Variants in APC observed in about 807,000 individuals in gnomAD.
The protein encoded by APC is adenomatous polyposis coli protein.
In APC, 72 loss-of-function variants were observed where a neutral mutation model predicts 247.0. The observed-to-expected ratio is 0.29, with a 90% CI of 0.24 to 0.35. The LOEUF (loss-of-function observed/expected upper bound fraction) is 0.35, where lower values mean the gene tolerates loss of function less well. Ranked by LOEUF, APC falls within the 10% of genes least tolerant of loss-of-function variation. The pLI is 1.00. For missense variants in APC, 3,400 were observed against 3,360.7 expected (o/e 1.01, Z -0.29); for synonymous variants, 1,254 against 1,162.5 (o/e 1.08, Z -1.60).
At chr5:112,722,446 A>T (rs1319629825) in intron 1 of APC, among the ~76,000 whole-genome samples, 1 of 152,188 alleles carries the variant, frequency 6.6e-6, no homozygotes, top group Non-Finnish European at 1.5e-5. Context: ...CTTTTTCCCC[A>T]CACACCAATA....
In APC at chr5:112,755,030, CAA is replaced by C; in HGVS notation, c.135+6_135+7del. 1 of 1,613,270 alleles carries C rather than the reference CAA, an allele frequency of 6.2e-7. No homozygotes were observed. The highest frequency in any genetic ancestry group is 8.5e-7 in the Non-Finnish European group (1 of 1,179,472). On this transcript the variant is annotated splice_donor_region_variant and intron_variant, in intron 2 of 15. Transcript: ENST00000257430. ...ACTGAGGCATCTAATATGAAGGTAT[CAA>C]GACTGTGACTTTTAATTGTAGTTTA...
Position 112,839,928 on chromosome 5 carries a change from C to T in APC, c.4334C>T (p.Thr1445Ile), listed in dbSNP as rs760686348. The stretch of plus-strand genomic sequence containing the variant: ...AAAACACCTCCACCACCTCCTCAAA[C>T]AGCTCAAACCAAGCGAGAAGTACCT... ...RSKTPPPPPQ[T>I]AQTKREVPKN... Residue 1445 changes from threonine (T) to isoleucine (I), a missense_variant, in exon 16 of 16, where the codon ACA (threonine) becomes ATA (isoleucine). Thr to Ile is a moderately conservative substitution (Grantham distance 89). Around this residue, in one of 9 missense-constraint regions of APC, gnomAD observed 1,788 missense variants for 1,649.5 expected, o/e 1.08. Coordinates refer to ENST00000257430, the MANE Select transcript of APC (RefSeq NM_000038.6). This position sits in a 1 kb window ranked among gnomAD's most constrained non-coding sequence, Gnocchi z 5.0. The T allele has an allele frequency of 8.1e-6, 13 of 1,614,000 alleles. 1 individual carries two copies. The highest frequency in any genetic ancestry group is 3.3e-5 in the South Asian group (3 of 91,084).
At chr5:112,803,914 C>T (rs1477702510) in intron 8 of APC, among the ~76,000 whole-genome samples, 1 of 151,942 alleles carries the variant, frequency 6.6e-6, no homozygotes. Flanking sequence ...TTGTTTAAAC[C>T]TTTCAGTGGC....
At position 112,845,290 on chromosome 5, in the gene APC, G is replaced by A. The variant is rs576186544; in HGVS notation, c.*1164G>A. 3.9e-5 allele frequency: 9 copies of A among 232,578 alleles called. No homozygotes were observed. The East Asian group carries it at 5.5e-4, about 14-fold the overall frequency. 14.4% of individuals were successfully genotyped at this position (232,578 alleles called of 1,614,324 possible). On this transcript the variant is annotated 3_prime_UTR_variant, in exon 16 of 16. Coordinates refer to ENST00000257430, the MANE Select transcript of APC (RefSeq NM_000038.6). ...TCAGTAAAAGTAAATTCATGTAATA[G>A]CAATGCAAGCAGCCTAGCACAGACT...
chr5:112,787,208 G>C (rs1174460186), intron 6 of APC, among the ~76,000 whole-genome samples: 1 of 152,120 alleles, frequency 6.6e-6, no homozygotes, highest in East Asian at 1.9e-4. Context: ...CTTTTAACAA[G>C]AAAGCAACCA....
chr5:112,775,750 GCAGT>G lies in APC; in HGVS notation c.531+14_531+17del, dbSNP rs1757578485. ...TTTAACTGAAAATGTAAGTAACTTG[GCAGT>G]ACAACTTATTTGAAACTTTAATAAC... On this transcript the variant is annotated intron_variant, in intron 5 of 15. Coordinates refer to ENST00000257430, the MANE Select transcript of APC (RefSeq NM_000038.6). The G allele has an allele frequency of 5.7e-6, 8 of 1,395,828 alleles. No individual in the cohort carries two copies. The highest frequency in any genetic ancestry group is 8.0e-6 in the Non-Finnish European group (8 of 998,502). 86.5% of individuals were successfully genotyped at this position (1,395,828 alleles called of 1,614,324 possible).
Position 112,819,027 on chromosome 5 carries a change from G to A in APC, c.995G>A (p.Arg332Gln), listed in dbSNP as rs377665107. The stretch of plus-strand genomic sequence containing the variant: ...ACTCATGATAAGGATGATATGTCGC[G>A]AACTTTGCTAGCTATGTCTAGCTCC... Reference protein sequence around the residue: ...LGTHDKDDMSRTLLAMSSSQD... With the variant: ...LGTHDKDDMSQTLLAMSSSQD... Residue 332 changes from arginine (R) to glutamine (Q), a missense_variant, in exon 10 of 16, where the codon CGA (arginine) becomes CAA (glutamine). Physicochemically the swap from Arg to Gln is conservative, Grantham distance 43. This residue lies in a region of APC where 199 missense variants were observed against 212.5 expected (regional missense o/e 0.94). Coordinates refer to ENST00000257430, the MANE Select transcript of APC (RefSeq NM_000038.6). The A allele has an allele frequency of 1.9e-5, 30 of 1,613,962 alleles. No homozygotes were observed. The African/African-American group carries it at 2.4e-4, about 13-fold the overall frequency.
rs1554084628 is a variant in APC, at chr5:112,838,580, A to G, written c.2986A>G (p.Ser996Gly). The G allele has an allele frequency of 6.2e-7, 1 of 1,614,204 alleles. No homozygotes were observed. The highest frequency in any genetic ancestry group is 1.3e-5 in the African/African-American group (1 of 75,058). Residue 996 changes from serine to glycine, a missense_variant, in exon 16 of 16, where the codon AGT becomes GGT. Coordinates refer to ENST00000257430, the MANE Select transcript of APC (RefSeq NM_000038.6). ...TGAAGATGATGAAAGTAAGTTTTGC[A>G]GTTATGGTCAATACCCAGCCGACCT... ...YSEDDESKFC[S>G]YGQYPADLAH...
At chr5:112,777,735 A>G in intron 5 of APC, 1 of 237,204 alleles carries the variant, frequency 4.2e-6, no homozygotes, top group Non-Finnish European at 9.4e-6. Flanking sequence ...CTCTTTTGCC[A>G]GCAGCAACTC....
At chr5:112,828,155 C>A in intron 13 of APC, 149 bp downstream of exon 13, 1 of 727,966 alleles carries the variant, frequency 1.4e-6, no homozygotes, top group Non-Finnish European at 2.4e-6. Flanking sequence ...CCCACTTCAG[C>A]CTCTCGAGGC....
intron 2 of APC, among the ~76,000 whole-genome samples, chr5:112,755,437 ATC>A (rs2149740775): frequency 6.6e-6 from 1 of 152,312 alleles, no homozygotes; most frequent in East Asian, 1.9e-4. Flanking sequence ...GTGATAGGTG[ATC>A]AAGAAAATCA....
Position 112,841,986 on chromosome 5 carries a change from A to G in APC, c.6392A>G (p.Asp2131Gly). ...TGTTTATCTAGACAAGCTTCGTCTG[A>G]TTCAGATTCCATCCTTTCCCTGAAA... ...AACLSRQASS[D>G]SDSILSLKSG... Residue 2131 changes from aspartate to glycine, a missense_variant, in exon 16 of 16, where the codon GAT (aspartate) becomes GGT (glycine). Transcript: ENST00000257430. The surrounding 1 kb of genome is among the most constrained non-coding windows in gnomAD (Gnocchi z 4.6). The G allele has an allele frequency of 6.2e-7, 1 of 1,613,250 alleles. No homozygotes were observed. The highest frequency in any genetic ancestry group is 8.5e-7 in the Non-Finnish European group (1 of 1,179,268).
chr5:112,746,808 G>A (rs749219488), intron 1 of APC, among the ~76,000 whole-genome samples: 1 of 152,054 alleles, frequency 6.6e-6, no homozygotes, highest in South Asian at 2.1e-4. Flanking sequence ...ACAATAAAAC[G>A]TGAAAAAGAA....
Position 112,774,408 on chromosome 5 carries a change from C to T in APC, c.423-1221C>T, listed in dbSNP as rs143216253. On this transcript the variant is annotated intron_variant, in intron 4 of 15. Transcript: ENST00000257430. ...CAAAATCCAAAAACACTTCTAGTCA[C>T]AATCATTTTGAATAAGGGATACTCA... is the stretch of plus-strand genomic sequence containing the variant. Among the ~76,000 whole-genome samples the T allele has an allele frequency of 4.4e-3, 669 of 150,568 alleles. 3 individuals are homozygous for T. The highest frequency in any genetic ancestry group is 0.011 in the Middle Eastern group (3 of 284).
Position 112,707,527 on chromosome 5 carries a change from T to A in APC, c.-191T>A, listed in dbSNP as rs879253783. 1 of 480,980 alleles carries A rather than the reference T, an allele frequency of 2.1e-6. No individual in the cohort carries two copies. The highest frequency in any genetic ancestry group is 3.7e-6 in the Non-Finnish European group (1 of 267,962). 29.8% of individuals were successfully genotyped at this position (480,980 alleles called of 1,614,324 possible). On this transcript the variant is annotated 5_prime_UTR_variant, in exon 1 of 14. Coordinates refer to the APC transcript ENST00000507379. ...TGTAGTCTTCCCACCTCCCACAAGATGGCGGAGGGCAAGTAGCAAGGGGGC... is the reference window on the plus strand; with the variant it reads ...TGTAGTCTTCCCACCTCCCACAAGAAGGCGGAGGGCAAGTAGCAAGGGGGC...
chr5:112,757,772 A>C (rs553806279), intron 2 of APC, among the ~76,000 whole-genome samples: 2 of 152,342 alleles, frequency 1.3e-5, no homozygotes, highest in South Asian at 4.1e-4. Context: ...TTTATGTAGT[A>C]GTACCATCTA....
At chr5:112,761,608 A>G (rs1024241653) in intron 2 of APC, among the ~76,000 whole-genome samples, 2 of 152,198 alleles carry the variant, frequency 1.3e-5, no homozygotes, top group African/African-American at 4.8e-5. Flanking sequence ...CAGAGAAAAA[A>G]ATGGAAAAAA....
At chr5:112,764,041 T>A (rs1755977187) in intron 2 of APC, among the ~76,000 whole-genome samples, 1 of 146,442 alleles carries the variant, frequency 6.8e-6, no homozygotes. Flanking sequence ...ATCGAGACCA[T>A]CCTGGCTAAC....
chr5:112,754,726 A>G, intron 1 of APC, 147 bp from the exon 2 acceptor site: 2 of 672,848 alleles, frequency 3.0e-6, no homozygotes, highest in Non-Finnish European at 5.1e-6. Context: ...CTACTTGAAC[A>G]ATATTGTTTT....
Sources: gnomAD v4.1 joint callset for allele counts (sites outside exome capture counted in the v4.1 genomes callset) on GRCh38, gnomAD v4.1.1 for gene constraint, gnomAD v4.1.1 regional missense constraint, Gnocchi (gnomAD v3.1) non-coding constraint, MANE v1.5 for transcripts, NCBI Gene and HGNC (gene_info 2026-07-23, HGNC 2026-07-21) for gene names.